The following JPH2 variants were observed in gnomAD, a reference collection of about 807,000 sequenced individuals.
JPH2 encodes junctophilin 2.
A neutral mutation model predicts 55.9 loss-of-function variants in JPH2; 38 were observed. The ratio of observed to expected loss-of-function variants is 0.68; its 90% CI spans 0.52 to 0.89. The LOEUF (loss-of-function observed/expected upper bound fraction) is 0.89, where lower values mean the gene tolerates loss of function less well. Ranked by LOEUF, JPH2 falls within the 40% of genes least tolerant of loss-of-function variation. The probability of loss-of-function intolerance (pLI) is 0.00; values close to 1 mark genes in which losing one functional copy is unlikely to be tolerated. For synonymous variants in JPH2, 480 were observed against 472.4 expected (o/e 1.02, Z -0.21); for missense variants, 964 against 1,037.6 (o/e 0.93, Z 0.97).
chr20:44,141,979 C>A (rs1054855144), intron 2 of JPH2, among the ~76,000 whole-genome samples: 2 of 152,200 alleles, frequency 1.3e-5, no homozygotes, highest in African/African-American at 4.8e-5. Context: ...CAAGAGATGG[C>A]GAGCTCCCCA....
intron 1 of JPH2, chr20:44,176,751 A>C: frequency 2.0e-6 from 1 of 507,986 alleles, no homozygotes; most frequent in Non-Finnish European, 2.5e-6. Context: ...CCGTGATTGT[A>C]CCATTGCACT....
chr20:44,137,346 T>TG (rs990633495), intron 2 of JPH2, among the ~76,000 whole-genome samples: 27 of 152,176 alleles, frequency 1.8e-4, no homozygotes, highest in African/African-American at 6.5e-4. Context: ...AGGAGAGCTT[T>TG]CTGTGAGCCG....
Position 44,177,360 on chromosome 20 carries a change from C to T in JPH2, c.379+8967G>A, listed in dbSNP as rs1352270275. ...TGCTCCGGGGAACAGCTGCTGGGCACGGAATTAGCAGGTCCCGGAAACAAG... is the reference window on the plus strand; with the variant it reads ...TGCTCCGGGGAACAGCTGCTGGGCATGGAATTAGCAGGTCCCGGAAACAAG... On this transcript the variant is annotated intron_variant, in intron 1 of 5. Transcript: ENST00000372980. The T allele has an allele frequency of 2.1e-5, 21 of 986,808 alleles. No homozygotes were observed. In the Admixed American group the frequency reaches 2.4e-4, roughly 11 times the overall value. 61.1% of individuals were successfully genotyped at this position (986,808 alleles called of 1,614,324 possible). A position where few individuals can be genotyped will look rare whatever the true frequency, so the allele number is the denominator to read the frequency against.
intron 1 of JPH2, among the ~76,000 whole-genome samples, chr20:44,176,308 T>A (rs2072732312): frequency 1.4e-5 from 2 of 145,434 alleles, no homozygotes; most frequent in South Asian, 4.4e-4. Context: ...ATGGGTCAGA[T>A]CCTATCTGTC....
intron 1 of JPH2, among the ~76,000 whole-genome samples, chr20:44,174,233 C>T (rs2072717955): frequency 6.6e-6 from 1 of 152,146 alleles, no homozygotes; most frequent in Admixed American, 6.5e-5. Flanking sequence ...CCACACAGCC[C>T]AGGAGTAGCT....
chr20:44,123,058 A>T (rs546358285), intron 2 of JPH2, among the ~76,000 whole-genome samples: 3 of 152,232 alleles, frequency 2.0e-5, no homozygotes, highest in African/African-American at 7.2e-5. Context: ...GCCCTGGAAG[A>T]TTCTGGGGGA....
At chr20:44,130,675 C>A (rs1241369301) in intron 2 of JPH2, among the ~76,000 whole-genome samples, 1 of 152,198 alleles carries the variant, frequency 6.6e-6, no homozygotes, top group African/African-American at 2.4e-5. Flanking sequence ...ACTTCCTTTT[C>A]AAAAAATCTA....
chr20:44,133,539 G>A (rs368282731), intron 2 of JPH2, among the ~76,000 whole-genome samples: 2 of 151,976 alleles, frequency 1.3e-5, no homozygotes, highest in Non-Finnish European at 2.9e-5. Context: ...GTGCTAAGCC[G>A]CATCACCAGC....
chr20:44,123,777 G>A (rs1335341031), intron 2 of JPH2, among the ~76,000 whole-genome samples: 1 of 152,208 alleles, frequency 6.6e-6, no homozygotes, highest in African/African-American at 2.4e-5. Context: ...CTAGGAATCT[G>A]TGTTTTATAT....
At chr20:44,176,850 G>A in intron 1 of JPH2, 2 of 984,012 alleles carry the variant, frequency 2.0e-6, no homozygotes, top group Non-Finnish European at 2.4e-6. Context: ...ATTAAAAATA[G>A]AAATAATAAA....
At chr20:44,132,399 C>CACACACACACACAG (rs71195518) in intron 2 of JPH2, among the ~76,000 whole-genome samples, 5,043 of 130,366 alleles carry the variant, frequency 0.039, 199 homozygotes, top group East Asian at 0.052. Context: ...CACACACACA[C>CACACACACACACAG]ACATTTGGGC....
chr20:44,171,289 G>A (rs962294949), intron 1 of JPH2, among the ~76,000 whole-genome samples: 13 of 152,178 alleles, frequency 8.5e-5, no homozygotes, highest in Admixed American at 7.9e-4. Flanking sequence ...GATTTAAGCT[G>A]GTATAGCCCT....
chr20:44,139,339 G>C (rs542363007), intron 2 of JPH2, among the ~76,000 whole-genome samples: 1 of 152,068 alleles, frequency 6.6e-6, no homozygotes, highest in Admixed American at 6.6e-5. Flanking sequence ...CGAGTTGGGG[G>C]AATTTATTCT....
intron 2 of JPH2, among the ~76,000 whole-genome samples, chr20:44,142,551 C>A (rs954536866): frequency 1.3e-5 from 2 of 152,174 alleles, no homozygotes; most frequent in Non-Finnish European, 2.9e-5. Context: ...CTGACGCAGC[C>A]CCCTGGCCAG....
chr20:44,114,615 G>C (rs536749457), intron 5 of JPH2, among the ~76,000 whole-genome samples, 167 bp downstream of exon 5: 3 of 142,760 alleles, frequency 2.1e-5, no homozygotes, highest in South Asian at 4.5e-4. Flanking sequence ...TGTGTGCGCT[G>C]GTATCAAATC....
intron 1 of JPH2, among the ~76,000 whole-genome samples, chr20:44,184,290 CTTCTTCTTT>C (rs567562995): frequency 9.3e-4 from 142 of 152,220 alleles, no homozygotes; most frequent in African/African-American, 2.9e-3. Flanking sequence ...TCTTCTTCTT[CTTCTTCTTT>C]TTTTCCATCA....
intron 2 of JPH2, among the ~76,000 whole-genome samples, chr20:44,141,868 A>T (rs190076396): frequency 6.6e-6 from 1 of 152,286 alleles, no homozygotes; most frequent in East Asian, 1.9e-4. Flanking sequence ...CCTCAAGGAT[A>T]GCACCAGGAC....
chr20:44,149,099 A>C (rs1408609237), intron 2 of JPH2, among the ~76,000 whole-genome samples: 1 of 151,484 alleles, frequency 6.6e-6, no homozygotes. Flanking sequence ...CTCCAATTAA[A>C]AAAAAAAAAG....
At chr20:44,122,762 A>C (rs1161845604) in intron 2 of JPH2, among the ~76,000 whole-genome samples, 1 of 152,058 alleles carries the variant, frequency 6.6e-6, no homozygotes, top group Non-Finnish European at 1.5e-5. Context: ...AAAGAGGAGG[A>C]GGAGAATGAC....
Sources: allele counts gnomAD v4.1 joint callset (sites outside exome capture counted in the v4.1 genomes callset), GRCh38; gene constraint gnomAD v4.1.1; transcripts MANE v1.5; gene names NCBI Gene and HGNC (gene_info 2026-07-23, HGNC 2026-07-21).